The following RREB1 variants were observed in gnomAD, a reference collection of about 807,000 sequenced individuals.
RREB1 encodes the protein ras responsive element binding protein 1.
RREB1 carries 27 observed loss-of-function variants against 117.8 expected under a neutral mutation model. The ratio of observed to expected loss-of-function variants is 0.23; its 90% CI spans 0.17 to 0.32. RREB1 has a LOEUF of 0.32. Ranked by LOEUF, RREB1 falls within the 10% of genes least tolerant of loss-of-function variation. The pLI is 1.00. For synonymous variants in RREB1, 1,298 were observed against 1,026.7 expected (o/e 1.26, Z -5.05); for missense variants, 2,577 against 2,378.2 (o/e 1.08, Z -1.74).
chr6:7,232,763 CTTT>C (rs59522749), intron 10 of RREB1, among the ~76,000 whole-genome samples: 3 of 136,970 alleles, frequency 2.2e-5, no homozygotes, highest in Admixed American at 2.2e-4. Flanking sequence ...TTTTCTTTTT[CTTT>C]TTTTTTTTTT....
intron 4 of RREB1, among the ~76,000 whole-genome samples, chr6:7,184,130 C>G (rs1764945251): frequency 6.6e-6 from 1 of 151,718 alleles, no homozygotes; most frequent in African/African-American, 2.4e-5. Flanking sequence ...GGGAGGATTG[C>G]TTGAGCCCAG....
Position 7,246,445 on chromosome 6 carries a change from C to T in RREB1, c.3995C>T (p.Thr1332Ile), listed in dbSNP as rs199689305. Residue 1332 changes from threonine to isoleucine, a missense_variant, in exon 12 of 13, where the codon ACT becomes ATT. Physicochemically the swap from Thr to Ile is moderately conservative, Grantham distance 89 (BLOSUM62 -1). Transcript: ENST00000379938. Reference protein sequence around the residue: ...DSTDSQSDAETAAAAGEVLDL... With the variant: ...DSTDSQSDAEIAAAAGEVLDL... The stretch of plus-strand genomic sequence containing the variant: ...ACAGACAGTCAGTCGGATGCGGAGA[C>T]TGCAGCCGCCGCGGGCGAAGTGCTA... 240 of 1,499,284 alleles carry T rather than the reference C, an allele frequency of 1.6e-4. 2 individuals carry two copies. In the African/African-American group the frequency reaches 2.4e-3, roughly 15 times the overall value. The allele number at this position is 1,499,284 out of a possible 1,614,324, so 92.9% of individuals were successfully genotyped here. A position where few individuals can be genotyped will look rare whatever the true frequency, so the allele number is the denominator to read the frequency against.
chr6:7,182,663 A>C (rs1764870754), intron 4 of RREB1, among the ~76,000 whole-genome samples: 1 of 152,212 alleles, frequency 6.6e-6, no homozygotes, highest in Non-Finnish European at 1.5e-5. Flanking sequence ...GAAATAAATG[A>C]ATCTTCAATG....
intron 1 of RREB1, among the ~76,000 whole-genome samples, chr6:7,170,523 C>T (rs1396027037): frequency 6.6e-6 from 1 of 152,008 alleles, no homozygotes; most frequent in East Asian, 1.9e-4. Context: ...ACAGGCTTGG[C>T]AACTGCTGTT....
chr6:7,143,813 C>T (rs1024445913), intron 1 of RREB1, among the ~76,000 whole-genome samples: 5 of 151,180 alleles, frequency 3.3e-5, no homozygotes, highest in East Asian at 3.9e-4. Flanking sequence ...CCCACTCTGC[C>T]GGCGACCAGT....
intron 6 of RREB1, among the ~76,000 whole-genome samples, chr6:7,197,970 A>C (rs904267360): frequency 4.6e-5 from 7 of 152,198 alleles, no homozygotes; most frequent in Non-Finnish European, 7.3e-5. Context: ...CTTGGCGCAC[A>C]ACTGCAGTTG....
At position 7,246,681 on chromosome 6, in the gene RREB1, T is replaced by A. The variant is rs1769064571; in HGVS notation, c.4231T>A (p.Ser1411Thr). 2.5e-6 allele frequency: 4 copies of A among 1,582,774 alleles called. No individual in the cohort carries two copies. Among genetic ancestry groups the A allele is most frequent in the Non-Finnish European group, 3.4e-6 (4 of 1,164,904 alleles). The part of the protein sequence containing the change: ...GDADGAEEDA[S>T]SNQSLDLDFA... ...CGCCGACGGCGCGGAAGAGGACGCG[T>A]CGAGCAACCAGAGCCTGGACCTGGA... The change falls in exon 12 of 13, where the codon TCG becomes ACG. Residue 1411 changes from serine to threonine, a missense_variant. Transcript: ENST00000379938.
chr6:7,191,390 T>G (rs968463781), intron 6 of RREB1, among the ~76,000 whole-genome samples: 8 of 152,214 alleles, frequency 5.3e-5, no homozygotes, highest in Admixed American at 4.6e-4. Flanking sequence ...TGTGGGTTGT[T>G]TCAACTTTTT....
intron 1 of RREB1, among the ~76,000 whole-genome samples, chr6:7,158,739 A>G (rs1481549218): frequency 6.6e-6 from 1 of 152,268 alleles, no homozygotes; most frequent in Non-Finnish European, 1.5e-5. Context: ...ATCAGGAGTT[A>G]CTAATTGAAG....
intron 1 of RREB1, among the ~76,000 whole-genome samples, chr6:7,148,144 A>G (rs1762956623): frequency 1.3e-5 from 2 of 152,170 alleles, no homozygotes; most frequent in East Asian, 1.9e-4. Context: ...TTTCAAAGCC[A>G]CAAAGGTGTT....
intron 1 of RREB1, among the ~76,000 whole-genome samples, chr6:7,126,240 T>C (rs372051796): frequency 6.6e-6 from 1 of 152,044 alleles, no homozygotes; most frequent in East Asian, 1.9e-4. Flanking sequence ...GACCTCGTGA[T>C]CCGCCCGCCT....
chr6:7,133,747 A>C (rs1234824736), intron 1 of RREB1, among the ~76,000 whole-genome samples: 1 of 152,214 alleles, frequency 6.6e-6, no homozygotes, highest in Non-Finnish European at 1.5e-5. Flanking sequence ...AATGAACCCA[A>C]AGGAAAAAAC....
At chr6:7,120,135 A>G (rs1037096817) in intron 1 of RREB1, among the ~76,000 whole-genome samples, 7 of 137,948 alleles carry the variant, frequency 5.1e-5, no homozygotes, top group African/African-American at 1.6e-4. Context: ...CTTTACTTGC[A>G]CTGTGTTTTA....
At chr6:7,202,582 TGG>T (rs1275614108) in intron 6 of RREB1, among the ~76,000 whole-genome samples, 3 of 152,146 alleles carry the variant, frequency 2.0e-5, no homozygotes, top group South Asian at 2.1e-4. Context: ...TGACTTCAGT[TGG>T]GGCACCATCA....
intron 1 of RREB1, among the ~76,000 whole-genome samples, chr6:7,126,340 T>C (rs1761928911): frequency 6.9e-6 from 1 of 144,332 alleles, no homozygotes; most frequent in South Asian, 2.2e-4. Flanking sequence ...CAGGCTGGAG[T>C]GCACTACAAC....
Position 7,174,822 on chromosome 6 carries a change from T to A in RREB1, c.-284-1833T>A, listed in dbSNP as rs558555569. ...TGGGGTTTTGCCATGTTGGCCAGGC[T>A]GGTCACAAACTCCTGACCTCAGGTG... On this transcript the variant is annotated intron_variant, in intron 1 of 12. Coordinates refer to ENST00000379938, the MANE Select transcript of RREB1 (RefSeq NM_001003699.4). Among the ~76,000 whole-genome samples the A allele has an allele frequency of 2.0e-5, 3 of 152,330 alleles. No individual in the cohort carries two copies. The South Asian group carries it at 6.2e-4, about 32-fold the overall frequency.
Position 7,229,032 on chromosome 6 carries a change from C to A in RREB1, c.933C>A (p.Ser311Arg). The change falls in exon 10 of 13, where the codon AGC (serine) becomes AGA (arginine). Residue 311 changes from serine (S) to arginine (R), a missense_variant. Ser to Arg is a moderately radical substitution (Grantham distance 110). Transcript: ENST00000379938. This position sits in a 1 kb window ranked among gnomAD's most constrained non-coding sequence, Gnocchi z 4.5. ...AAACAAACCTGCGGAGGTGCATCAG[C>A]GAGCAACACCGTTTTGTCTGCGACA... ...WCETNLRRCI[S>R]EQHRFVCDTC... 1.3e-6 allele frequency: 2 copies of A among 1,539,924 alleles called. No individual in the cohort carries two copies. The highest frequency in any genetic ancestry group is 1.2e-5 in the South Asian group (1 of 80,386).
chr6:7,172,707 A>G (rs1265385498), intron 1 of RREB1, among the ~76,000 whole-genome samples: 2 of 149,264 alleles, frequency 1.3e-5, no homozygotes, highest in African/African-American at 5.1e-5. Context: ...GGTGGGGGTG[A>G]CTTTCTTGGG....
At chr6:7,125,036 G>C (rs1761849400) in intron 1 of RREB1, among the ~76,000 whole-genome samples, 1 of 152,216 alleles carries the variant, frequency 6.6e-6, no homozygotes, top group Admixed American at 6.5e-5. Flanking sequence ...CTGGCTTGTG[G>C]AAACAGCAGA....
Sources: allele counts gnomAD v4.1 joint callset (sites outside exome capture counted in the v4.1 genomes callset), GRCh38; gene constraint gnomAD v4.1.1; non-coding constraint Gnocchi (gnomAD v3.1); transcripts MANE v1.5; gene names NCBI Gene and HGNC (gene_info 2026-07-23, HGNC 2026-07-21).